MEMO1: variants seen among roughly 807,000 people sequenced by gnomAD.
MEMO1 encodes mediator of cell motility 1, also known as protein MEMO1.
Under a neutral mutation model 45.2 loss-of-function variants are expected in MEMO1, and 6 were observed. That is an observed-to-expected ratio of 0.13 (90% CI 0.07 to 0.26). MEMO1 has a LOEUF of 0.26. Among genes scored for constraint, MEMO1 ranks in the 10% least tolerant of loss-of-function variants. The pLI is 1.00. For missense variants in MEMO1, 184 were observed against 370.5 expected (o/e 0.50, Z 4.13); for synonymous variants, 78 against 124.3 (o/e 0.63, Z 2.48).
chr2:31,931,483 C>T (rs1397509317), intron 4 of MEMO1, among the ~76,000 whole-genome samples: 1 of 151,908 alleles, frequency 6.6e-6, no homozygotes, highest in Non-Finnish European at 1.5e-5. Context: ...TCCAGCAAAA[C>T]CTCTTGTAAG....
rs1241357309 is a variant in MEMO1, at chr2:32,002,184, TATAC to T, written c.61+7999_61+8002del. On this transcript the variant is annotated intron_variant, in intron 2 of 9. Coordinates refer to ENST00000404530, the MANE Select transcript of MEMO1 (RefSeq NM_001301833.4). Reference sequence around the variant, plus strand: ...AAAAAAAAAAATATATATATATATATATACACACACACACACACATGTATATACG... The same window carrying T: ...AAAAAAAAAAATATATATATATATATACACACACACACACATGTATATACG... 2.6e-3 allele frequency among the ~76,000 whole-genome samples: 308 copies of T among 116,922 alleles called. 3 individuals carry two copies. The highest frequency in any genetic ancestry group is 9.5e-3 in the African/African-American group (289 of 30,432). The allele number at this position is 116,922 out of a possible 152,430, so 76.7% of individuals were successfully genotyped here.
At chr2:31,881,820 A>G (rs1221213921) in intron 8 of MEMO1, among the ~76,000 whole-genome samples, 1 of 152,038 alleles carries the variant, frequency 6.6e-6, no homozygotes, top group African/African-American at 2.4e-5. Context: ...TGGGCAATAA[A>G]GCAAGACCTT....
intron 6 of MEMO1, among the ~76,000 whole-genome samples, chr2:31,911,775 G>A (rs1250184407): frequency 1.3e-5 from 2 of 151,986 alleles, no homozygotes; most frequent in Non-Finnish European, 2.9e-5. Flanking sequence ...CAAGTAGCTG[G>A]GACCACAGGT....
intron 2 of MEMO1, among the ~76,000 whole-genome samples, chr2:31,967,541 G>A (rs887360440): frequency 1.3e-5 from 2 of 152,050 alleles, no homozygotes; most frequent in Admixed American, 1.3e-4. Flanking sequence ...CTTGACCTCC[G>A]GGCTCAAGCA....
At chr2:31,989,348 C>A (rs1260262142) in intron 2 of MEMO1, among the ~76,000 whole-genome samples, 2 of 152,116 alleles carry the variant, frequency 1.3e-5, no homozygotes, top group Non-Finnish European at 2.9e-5. Context: ...TAGTTTCTAC[C>A]ACTATGGGCT....
Position 31,881,715 on chromosome 2 carries a change from G to A in MEMO1, c.657+1671C>T, listed in dbSNP as rs111813485. ...GAAGGCTCCAGGCCATAAAGTTCAA[G>A]TCTTAATATGTGCCAAGTGCGGCAG... On this transcript the variant is annotated intron_variant, in intron 8 of 9. Coordinates refer to ENST00000404530, the MANE Select transcript of MEMO1 (RefSeq NM_001301833.4). Among the ~76,000 whole-genome samples, 19 of 152,058 alleles carry A rather than the reference G, an allele frequency of 1.2e-4. 2 individuals are homozygous for A. Among genetic ancestry groups the A allele is most frequent in the African/African-American group, 3.6e-4 (15 of 41,474 alleles).
intron 2 of MEMO1, among the ~76,000 whole-genome samples, chr2:31,983,180 G>A (rs1365172899): frequency 6.6e-6 from 1 of 152,048 alleles, no homozygotes; most frequent in African/African-American, 2.4e-5. Context: ...AGAATCGCTT[G>A]AACCCAGGAG....
chr2:31,872,720 T>A (rs1298205031), intron 8 of MEMO1, among the ~76,000 whole-genome samples: 2 of 152,118 alleles, frequency 1.3e-5, no homozygotes, highest in Non-Finnish European at 1.5e-5. Flanking sequence ...TGTACAAAAA[T>A]TTTAATTCTT....
intron 2 of MEMO1, among the ~76,000 whole-genome samples, chr2:31,958,325 T>TAAAG (rs1667632347): frequency 6.6e-6 from 1 of 151,710 alleles, no homozygotes; most frequent in African/African-American, 2.4e-5. Context: ...TCATTCCCTT[T>TAAAG]GGAATGAACT....
At chr2:31,918,378 C>T (rs539446201) in intron 5 of MEMO1, among the ~76,000 whole-genome samples, 1 of 152,224 alleles carries the variant, frequency 6.6e-6, no homozygotes, top group Admixed American at 6.5e-5. Flanking sequence ...AAATCACCTT[C>T]GGGTCTAGGC....
chr2:31,969,619 G>A (rs1353776902), intron 2 of MEMO1, among the ~76,000 whole-genome samples: 1 of 149,064 alleles, frequency 6.7e-6, no homozygotes, highest in Non-Finnish European at 1.5e-5. Flanking sequence ...GTGTGTGTGT[G>A]TGTGTGTGTG....
chr2:31,939,264 TTATGTTTTTA>T (rs1366469000), intron 3 of MEMO1, among the ~76,000 whole-genome samples: 2 of 152,212 alleles, frequency 1.3e-5, no homozygotes, highest in Non-Finnish European at 2.9e-5. Context: ...ATGTTTATAT[TTATGTTTTTA>T]TATGTTTATA....
chr2:31,901,230 G>A (rs1049119307), intron 6 of MEMO1, among the ~76,000 whole-genome samples: 5 of 151,456 alleles, frequency 3.3e-5, no homozygotes, highest in Middle Eastern at 3.2e-3. Context: ...AAAATTAGCC[G>A]GGTGTGGTGG....
At chr2:32,001,197 G>C (rs34457675) in intron 2 of MEMO1, among the ~76,000 whole-genome samples, 22,768 of 151,698 alleles carry the variant, frequency 0.15, 1,949 homozygotes, top group African/African-American at 0.22. Flanking sequence ...CGCCATCACG[G>C]CCGGCTAATT....
At chr2:31,904,839 A>C (rs147477656) in intron 6 of MEMO1, among the ~76,000 whole-genome samples, 4 of 152,362 alleles carry the variant, frequency 2.6e-5, no homozygotes, top group African/African-American at 9.6e-5. Context: ...AAGAACTCTC[A>C]TCTTTTTCTC....
chr2:31,923,651 A>T (rs906410693), intron 4 of MEMO1: 1 of 1,547,992 alleles, frequency 6.5e-7, no homozygotes, highest in East Asian at 2.5e-5. Flanking sequence ...GAATCAAATA[A>T]TGAGAAAGGG....
rs1558507966 is a variant in MEMO1, at chr2:31,925,499, A to AAAAAAAAAAAC, written c.213-4590_213-4589insGTTTTTTTTTT. Among the ~76,000 whole-genome samples, 19 of 149,372 alleles carry AAAAAAAAAAAC rather than the reference A, an allele frequency of 1.3e-4. 1 individual carries two copies. The highest frequency in any genetic ancestry group is 2.2e-4 in the Non-Finnish European group (15 of 67,200). ...TCAAAAAAAAAAAAAAAAAAAAAAAATCTGTTCCCGGAGATACTTTCCCCA... is the reference window on the plus strand; with the variant it reads ...TCAAAAAAAAAAAAAAAAAAAAAAAAAAAAAAAAAACTCTGTTCCCGGAGATACTTTCCCCA... On this transcript the variant is annotated intron_variant, in intron 4 of 9. Transcript: ENST00000404530.
intron 2 of MEMO1, among the ~76,000 whole-genome samples, chr2:31,964,536 A>G (rs936280267): frequency 1.3e-5 from 2 of 151,864 alleles, no homozygotes; most frequent in African/African-American, 2.4e-5. Flanking sequence ...GTCTCTACTA[A>G]AAACACAAAA....
intron 4 of MEMO1, among the ~76,000 whole-genome samples, chr2:31,923,965 C>T (rs552948370): frequency 5.9e-5 from 9 of 152,110 alleles, no homozygotes; most frequent in Admixed American, 4.6e-4. Context: ...GAAAAAGAGC[C>T]CCACCAATCT....
Sources: allele counts gnomAD v4.1 joint callset (sites outside exome capture counted in the v4.1 genomes callset), GRCh38; gene constraint gnomAD v4.1.1; transcripts MANE v1.5; gene names NCBI Gene and HGNC (gene_info 2026-07-23, HGNC 2026-07-21).